Variants in SMG6 observed in about 807,000 individuals in gnomAD.
SMG6 encodes SMG6 nonsense mediated mRNA decay factor.
SMG6 carries 66 observed loss-of-function variants against 142.2 expected under a neutral mutation model. The observed-to-expected ratio is 0.46, with a 90% CI of 0.38 to 0.57. SMG6 has a LOEUF of 0.57. SMG6 is among the 20% of genes least tolerant of loss of function. SMG6 has a pLI of 0.00. For synonymous variants in SMG6, 779 were observed against 702.4 expected (o/e 1.11, Z -1.72); for missense variants, 1,793 against 1,832.0 (o/e 0.98, Z 0.39).
At chr17:2,139,504 C>T (rs1484365682) in intron 13 of SMG6, among the ~76,000 whole-genome samples, 3 of 150,662 alleles carry the variant, frequency 2.0e-5, no homozygotes, top group African/African-American at 7.3e-5. Context: ...TCACTGCACC[C>T]TTGGCCTCCC....
At chr17:2,073,814 C>T (rs551043697) in intron 15 of SMG6, among the ~76,000 whole-genome samples, 29 of 151,722 alleles carry the variant, frequency 1.9e-4, no homozygotes, top group Non-Finnish European at 4.0e-4. Flanking sequence ...CGTGGTGGCA[C>T]GTGCTTGTAA....
intron 15 of SMG6, among the ~76,000 whole-genome samples, chr17:2,072,490 C>G (rs2068131072): frequency 1.3e-5 from 2 of 152,146 alleles, no homozygotes; most frequent in Non-Finnish European, 2.9e-5. Context: ...TGGCAGAGAA[C>G]TGGGAAAGAG....
chr17:2,299,613 T>C lies in SMG6; in HGVS notation c.1140A>G (p.Lys380=). The part of the protein sequence containing the change: ...RDDMDRGKPD[K]GLSSGGKGSE... The stretch of plus-strand genomic sequence containing the variant: ...AGCCTTTGCCCCCACTGCTCAAGCC[T>C]TTGTCAGGCTTTCCTCTATCCATAT... Residue 380 remains lysine (K), a synonymous_variant, in exon 2 of 19, where the codon AAA becomes AAG. Transcript: ENST00000263073. This position sits in a 1 kb window ranked among gnomAD's most constrained non-coding sequence, Gnocchi z 4.3. The C allele has an allele frequency of 1.2e-6, 2 of 1,614,180 alleles. No homozygotes were observed. The highest frequency in any genetic ancestry group is 8.5e-7 in the Non-Finnish European group (1 of 1,180,024).
intron 13 of SMG6, among the ~76,000 whole-genome samples, chr17:2,147,254 G>A (rs1036487102): frequency 1.3e-5 from 2 of 152,052 alleles, no homozygotes; most frequent in East Asian, 1.9e-4. Context: ...TTAGCTGAGC[G>A]TGGTGGTGGG....
chr17:2,260,448 C>G (rs951315880), intron 8 of SMG6, among the ~76,000 whole-genome samples: 1 of 152,230 alleles, frequency 6.6e-6, no homozygotes, highest in Non-Finnish European at 1.5e-5. Flanking sequence ...TCAATCAAAT[C>G]TTTTCTGTGC....
rs1415143661 is a variant in SMG6, at chr17:2,081,795, C to T, written c.3681+15G>A. Reference sequence around the variant, plus strand: ...ACCCCCATAGTGGGAACCACGCTCCCCAGGCCGACTTCACCTGGATCTTTT... The same window carrying T: ...ACCCCCATAGTGGGAACCACGCTCCTCAGGCCGACTTCACCTGGATCTTTT... On this transcript the variant is annotated intron_variant, in intron 15 of 18. Transcript: ENST00000263073. 1.1e-5 allele frequency: 18 copies of T among 1,612,034 alleles called. No individual in the cohort carries two copies. The highest frequency in any genetic ancestry group is 1.4e-5 in the Non-Finnish European group (17 of 1,180,008).
At chr17:2,197,793 T>A (rs1179569627) in intron 10 of SMG6, among the ~76,000 whole-genome samples, 2 of 152,112 alleles carry the variant, frequency 1.3e-5, no homozygotes, top group African/African-American at 4.8e-5. Flanking sequence ...TCATTACATA[T>A]CTATCAGAAT....
intron 5 of SMG6, 73 bp downstream of exon 5, chr17:2,292,798 G>T: frequency 6.9e-7 from 1 of 1,445,834 alleles, no homozygotes. Context: ...CACCCACATG[G>T]CCTACTGCTC....
chr17:2,236,582 G>C lies in SMG6; in HGVS notation c.2779C>G (p.Leu927Val). 1 of 1,613,818 alleles carries C rather than the reference G, an allele frequency of 6.2e-7. No individual in the cohort carries two copies. The change falls in exon 10 of 19, where the codon CTG (leucine) becomes GTG (valine). Residue 927 changes from leucine (L) to valine (V), a missense_variant. Transcript: ENST00000263073. ...EKVLKEFQVL[L>V]QHSPSPIGST... ...CCAATGGGAGAGGGGCTGTGCTGCA[G>C]TAACACCTGGAACTCCTTGAGGACC...
rs535200947 is a variant in SMG6 at position 2,085,128 on chromosome 17, GCA to G, written c.3534+595_3534+596del. 1.1e-4 allele frequency among the ~76,000 whole-genome samples: 16 copies of G among 151,608 alleles called. No individual in the cohort carries two copies. The highest frequency in any genetic ancestry group is 3.4e-4 in the African/African-American group (14 of 41,282). On this transcript the variant is annotated intron_variant, in intron 14 of 18. Transcript: ENST00000263073. This position sits in a 1 kb window ranked among gnomAD's most constrained non-coding sequence, Gnocchi z 4.1. ...GGCTCATGCATGTGCATGCGCGTGC[GCA>G]CACACACACACAGACGCGCACACAC...
chr17:2,143,107 A>C (rs2070541563), intron 13 of SMG6, among the ~76,000 whole-genome samples: 2 of 152,210 alleles, frequency 1.3e-5, no homozygotes, highest in African/African-American at 4.8e-5. Context: ...GAACCCTCAT[A>C]CATTTGCTGC....
At position 2,258,287 on chromosome 17, in the gene SMG6, G is replaced by A. The variant is rs113009131; in HGVS notation, c.2662-13568C>T. 1.2e-4 allele frequency among the ~76,000 whole-genome samples: 18 copies of A among 152,192 alleles called. 1 individual carries two copies. Among genetic ancestry groups the A allele is most frequent in the African/African-American group, 3.9e-4 (16 of 41,538 alleles). On this transcript the variant is annotated intron_variant, in intron 8 of 18. Transcript: ENST00000263073. ...AAAGGCGACCTTGGCTGGGTGCAGT[G>A]ACTCACGCCTGTAATCCCAGCACTT...
In SMG6 at chr17:2,068,789, A is replaced by G; in HGVS notation, c.3824T>C (p.Val1275Ala). The change falls in exon 16 of 19, where the codon GTG becomes GCG. Residue 1275 changes from valine (V) to alanine (A), a missense_variant. By Grantham distance (64) the Val-to-Ala change is moderately conservative (BLOSUM62 0). Around this residue, in one of 3 missense-constraint regions of SMG6, gnomAD observed 179 missense variants for 212.6 expected, o/e 0.84. Coordinates refer to ENST00000263073, the MANE Select transcript of SMG6 (RefSeq NM_017575.5). The surrounding 1 kb of genome is among the most constrained non-coding windows in gnomAD (Gnocchi z 6.7). The part of the protein sequence containing the change: ...LLESRKYILV[V>A]PLIVINELDG... Reference sequence around the variant, plus strand: ...CCCGCCTGACTCACCGATGAGGGGCACCACCAGGATGTACTTCCTGCTCTC... The same window carrying G: ...CCCGCCTGACTCACCGATGAGGGGCGCCACCAGGATGTACTTCCTGCTCTC... The G allele has an allele frequency of 6.2e-7, 1 of 1,614,072 alleles. No homozygotes were observed. The highest frequency in any genetic ancestry group is 8.5e-7 in the Non-Finnish European group (1 of 1,179,954).
intron 8 of SMG6, among the ~76,000 whole-genome samples, chr17:2,248,195 CT>C (rs1468329257): frequency 6.6e-6 from 1 of 152,198 alleles, no homozygotes; most frequent in East Asian, 1.9e-4. Context: ...ATTTAAGCAA[CT>C]TTACTTTAGT....
At chr17:2,229,928 G>A (rs2073422234) in intron 10 of SMG6, among the ~76,000 whole-genome samples, 1 of 152,060 alleles carries the variant, frequency 6.6e-6, no homozygotes. Flanking sequence ...GCTCATGCCT[G>A]TAATCCCAGC....
intron 13 of SMG6, among the ~76,000 whole-genome samples, chr17:2,111,720 C>A (rs767501415): frequency 1.3e-5 from 2 of 152,032 alleles, no homozygotes; most frequent in Non-Finnish European, 2.9e-5. Context: ...GTCCTTAGAG[C>A]GGGTTTCTTG....
chr17:2,269,771 G>C (rs1174974580), intron 8 of SMG6, among the ~76,000 whole-genome samples: 1 of 152,134 alleles, frequency 6.6e-6, no homozygotes, highest in Non-Finnish European at 1.5e-5. Flanking sequence ...CCAGCCCTAG[G>C]GAAACAAGGT....
At chr17:2,221,667 G>A (rs766758844) in intron 10 of SMG6, among the ~76,000 whole-genome samples, 2 of 152,224 alleles carry the variant, frequency 1.3e-5, no homozygotes, top group African/African-American at 4.8e-5. Flanking sequence ...AAGACAGTAA[G>A]ATTATGAGCA....
chr17:2,162,985 C>T (rs1351231573), intron 13 of SMG6, among the ~76,000 whole-genome samples: 2 of 151,958 alleles, frequency 1.3e-5, no homozygotes, highest in Non-Finnish European at 2.9e-5. Context: ...ATGCACACCA[C>T]CACACCTGAC....
Sources: gnomAD v4.1 joint callset for allele counts (sites outside exome capture counted in the v4.1 genomes callset) on GRCh38, gnomAD v4.1.1 for gene constraint, gnomAD v4.1.1 regional missense constraint, Gnocchi (gnomAD v3.1) non-coding constraint, MANE v1.5 for transcripts, NCBI Gene and HGNC (gene_info 2026-07-23, HGNC 2026-07-21) for gene names.